The following TNR variants were observed in gnomAD, a reference collection of about 807,000 sequenced individuals.
The protein encoded by TNR is tenascin R.
A neutral mutation model predicts 150.4 loss-of-function variants in TNR; 45 were observed. The observed-to-expected ratio is 0.30, with a 90% CI of 0.24 to 0.38. The LOEUF is 0.38. Ranked by LOEUF, TNR falls within the 10% of genes least tolerant of loss-of-function variation. The pLI, the probability that TNR is intolerant of heterozygous loss-of-function variation, is 1.00. For missense variants in TNR, 1,544 were observed against 1,759.1 expected, an observed-to-expected ratio of 0.88 and a Z score of 2.19; for synonymous variants, 687 against 678.4, an observed-to-expected ratio of 1.01 and a Z score of -0.20.
rs1649263929 is a variant in TNR at position 175,324,655 on chromosome 1, GGCTGTGCTGA to G, written c.3794-146_3794-137del. On this transcript the variant is annotated intron_variant, in intron 21 of 22. Transcript: ENST00000367674. ...TCATTTCCACCCAGTTTCTCAGAGTGGCTGTGCTGAACTCTTACTCCACCTTACCCCTGGG... is the reference window on the plus strand; with the variant it reads ...TCATTTCCACCCAGTTTCTCAGAGTGACTCTTACTCCACCTTACCCCTGGG... 2.9e-6 allele frequency: 3 copies of G among 1,048,964 alleles called. No homozygotes were observed. In the Admixed American group the frequency reaches 6.5e-5, roughly 23 times the overall value. The allele number at this position is 1,048,964 out of a possible 1,614,324, so 65.0% of individuals were successfully genotyped here. A position where few individuals can be genotyped will look rare whatever the true frequency, so the allele number is the denominator to read the frequency against.
intron 1 of TNR, among the ~76,000 whole-genome samples, chr1:175,598,732 C>T (rs1663111388): frequency 6.6e-6 from 1 of 152,200 alleles, no homozygotes; most frequent in South Asian, 2.1e-4. Context: ...TCACATCTGA[C>T]CCTGCTCCAG....
At chr1:175,440,396 G>T in intron 2 of TNR, among the ~76,000 whole-genome samples, 1 of 134,614 alleles carries the variant, frequency 7.4e-6, no homozygotes, top group African/African-American at 2.7e-5. Context: ...GTGGGGGGAG[G>T]GATAGCATTA....
chr1:175,684,768 T>G (rs985076411), intron 1 of TNR, among the ~76,000 whole-genome samples: 1 of 152,188 alleles, frequency 6.6e-6, no homozygotes, highest in African/African-American at 2.4e-5. Context: ...TGCATTTTCC[T>G]TATGGAGGTT....
At chr1:175,613,831 A>G (rs1207183470) in intron 1 of TNR, among the ~76,000 whole-genome samples, 1 of 152,190 alleles carries the variant, frequency 6.6e-6, no homozygotes, top group Non-Finnish European at 1.5e-5. Flanking sequence ...AATGCCTCCT[A>G]TAAGATGAAC....
At chr1:175,642,776 A>G (rs1664704009) in intron 1 of TNR, among the ~76,000 whole-genome samples, 1 of 152,072 alleles carries the variant, frequency 6.6e-6, no homozygotes, top group African/African-American at 2.4e-5. Context: ...TACAAAAAAT[A>G]AAAAATTAGC....
intron 4 of TNR, among the ~76,000 whole-genome samples, chr1:175,400,780 G>T (rs934504352): frequency 1.3e-5 from 2 of 152,142 alleles, no homozygotes; most frequent in Non-Finnish European, 2.9e-5. Flanking sequence ...GCTGTGGTGT[G>T]TGCACCCGGC....
In TNR at chr1:175,386,193, C is replaced by T; in HGVS notation, c.1616G>A (p.Gly539Asp). ...CCTCCCACCTTCCCCGCCCACCAGG[C>T]CATATTTCAAAAGAATGAAATCGAC... ...AKVDFILLKY[G>D]LVGGEGGRTT... Residue 539 changes from glycine to aspartate, a missense_variant, in exon 8 of 23, where the codon GGC becomes GAC. Around this residue, in one of 2 missense-constraint regions of TNR, gnomAD observed 1,254 missense variants for 1,329.4 expected, o/e 0.94. Transcript: ENST00000367674. 2 of 1,612,414 alleles carry T rather than the reference C, an allele frequency of 1.2e-6. No homozygotes were observed. The highest frequency in any genetic ancestry group is 8.5e-7 in the Non-Finnish European group (1 of 1,178,646).
In TNR at chr1:175,628,933, G is replaced by T. The variant is rs570892919; in HGVS notation, c.-164-100564C>A. Among the ~76,000 whole-genome samples, 24 of 152,306 alleles carry T rather than the reference G, an allele frequency of 1.6e-4. No homozygotes were observed. The South Asian group carries it at 1.7e-3, about 11-fold the overall frequency. Reference sequence around the variant, plus strand: ...CTCTGGGACTCTGTAGAAAACAAAAGAAATCTCATTTTCTCTCAAATTTAA... The same window carrying T: ...CTCTGGGACTCTGTAGAAAACAAAATAAATCTCATTTTCTCTCAAATTTAA... On this transcript the variant is annotated intron_variant, in intron 1 of 22. Transcript: ENST00000367674.
At chr1:175,731,896 G>T (rs1400223903) in intron 1 of TNR, among the ~76,000 whole-genome samples, 9 of 152,202 alleles carry the variant, frequency 5.9e-5, no homozygotes, top group Admixed American at 5.2e-4. Flanking sequence ...ATCTCCTCTG[G>T]TAGGAATCTG....
At chr1:175,635,123 C>T (rs1387097369) in intron 1 of TNR, among the ~76,000 whole-genome samples, 1 of 152,200 alleles carries the variant, frequency 6.6e-6, no homozygotes, top group African/African-American at 2.4e-5. Context: ...TCCTCACATA[C>T]ACCCAGAAGC....
chr1:175,606,027 G>A lies in TNR; in HGVS notation c.-164-77658C>T, dbSNP rs114515922. Among the ~76,000 whole-genome samples, 29 of 151,582 alleles carry A rather than the reference G, an allele frequency of 1.9e-4. 1 individual carries two copies. Among genetic ancestry groups the A allele is most frequent in the African/African-American group, 5.8e-4 (24 of 41,320 alleles). On this transcript the variant is annotated intron_variant, in intron 1 of 22. Transcript: ENST00000367674. ...GAAAGAAAAGGCAGAAGCCATTTGC[G>A]CACTCTTTCCTTCATCCACTCTTTC...
intron 1 of TNR, among the ~76,000 whole-genome samples, chr1:175,530,393 C>T (rs1364058847): frequency 1.3e-5 from 2 of 152,176 alleles, no homozygotes; most frequent in African/African-American, 2.4e-5. Context: ...GGCAAAGCAG[C>T]TCTTTTTGGC....
intron 7 of TNR, among the ~76,000 whole-genome samples, chr1:175,388,005 A>G (rs1653011464): frequency 6.6e-6 from 1 of 152,252 alleles, no homozygotes; most frequent in Non-Finnish European, 1.5e-5. Context: ...TATTTGAGGT[A>G]GTAATGTGAT....
Position 175,508,102 on chromosome 1 carries a change from G to T in TNR, c.-64+20167C>A, listed in dbSNP as rs138395613. Among the ~76,000 whole-genome samples the T allele has an allele frequency of 1.2e-3, 189 of 152,158 alleles. 2 individuals carry two copies. In the East Asian group the frequency reaches 0.02, roughly 16 times the overall value. ...AGGGAGGGAAAGATCACACAGGAGG[G>T]TCTGTCGCGGGGTGGGGGCAAGGGA... On this transcript the variant is annotated intron_variant, in intron 2 of 22. Coordinates refer to ENST00000367674, the MANE Select transcript of TNR (RefSeq NM_003285.3).
chr1:175,625,156 T>C (rs1664108196), intron 1 of TNR, among the ~76,000 whole-genome samples: 1 of 152,248 alleles, frequency 6.6e-6, no homozygotes, highest in Admixed American at 6.5e-5. Context: ...AAATTTGGCT[T>C]CTACGATTCC....
chr1:175,446,927 G>A (rs1325779697), intron 2 of TNR, among the ~76,000 whole-genome samples: 2 of 152,120 alleles, frequency 1.3e-5, no homozygotes, highest in Admixed American at 6.5e-5. Context: ...TATGTGTGTT[G>A]TATGCATGTG....
intron 1 of TNR, among the ~76,000 whole-genome samples, chr1:175,615,383 T>G (rs1010163424): frequency 6.6e-6 from 1 of 152,182 alleles, no homozygotes; most frequent in Non-Finnish European, 1.5e-5. Flanking sequence ...TTTCAGAAAC[T>G]GGATTTTAAA....
At chr1:175,409,755 G>T (rs1387953110) in intron 2 of TNR, among the ~76,000 whole-genome samples, 5 of 149,396 alleles carry the variant, frequency 3.3e-5, no homozygotes, top group African/African-American at 1.2e-4. Context: ...AGACTCAGGG[G>T]GTACATTTAT....
At chr1:175,634,914 T>A (rs1186061886) in intron 1 of TNR, among the ~76,000 whole-genome samples, 1 of 152,164 alleles carries the variant, frequency 6.6e-6, no homozygotes, top group African/African-American at 2.4e-5. Flanking sequence ...TCATGGCTAT[T>A]CAAAGTTGCC....
Sources: gnomAD v4.1 joint callset for allele counts (sites outside exome capture counted in the v4.1 genomes callset) on GRCh38, gnomAD v4.1.1 for gene constraint, gnomAD v4.1.1 regional missense constraint, MANE v1.5 for transcripts, NCBI Gene and HGNC (gene_info 2026-07-23, HGNC 2026-07-21) for gene names.